SORCS1: variants seen among roughly 807,000 people sequenced by gnomAD.
SORCS1 encodes VPS10 domain-containing receptor SorCS1.
A neutral mutation model predicts 146.1 loss-of-function variants in SORCS1; 60 were observed. The ratio of observed to expected loss-of-function variants is 0.41; its 90% CI spans 0.33 to 0.51. SORCS1 has a LOEUF of 0.51. SORCS1 is among the 20% of genes least tolerant of loss of function. The pLI is 0.21. For missense variants in SORCS1, 1,352 were observed against 1,487.6 expected, an observed-to-expected ratio of 0.91 and a Z score of 1.50; for synonymous variants, 637 against 584.0, an observed-to-expected ratio of 1.09 and a Z score of -1.31.
At chr10:106,638,704 T>C (rs1019586977) in intron 18 of SORCS1, among the ~76,000 whole-genome samples, 3 of 152,312 alleles carry the variant, frequency 2.0e-5, no homozygotes, top group Non-Finnish European at 4.4e-5. Context: ...GCCCTGGAAG[T>C]CACTTCATCC....
intron 3 of SORCS1, 63 bp downstream of exon 3, chr10:106,829,511 G>A: frequency 7.9e-7 from 1 of 1,265,070 alleles, no homozygotes; most frequent in Non-Finnish European, 1.1e-6. Flanking sequence ...AGCTAGAGTG[G>A]TTAGCCAACC....
chr10:107,056,558 A>G lies in SORCS1; in HGVS notation c.559-99978T>C, dbSNP rs551758409. On this transcript the variant is annotated intron_variant, in intron 1 of 25. Transcript: ENST00000263054. ...GCAGAAGGCAGCAACTTATGAGGAC[A>G]GAGGAAAACTATCTCTTATCATATA... 2.6e-5 allele frequency among the ~76,000 whole-genome samples: 4 copies of G among 152,364 alleles called. No individual in the cohort carries two copies. In the East Asian group the frequency reaches 7.7e-4, roughly 29 times the overall value.
intron 9 of SORCS1, among the ~76,000 whole-genome samples, chr10:106,698,588 T>C (rs1385984183): frequency 6.6e-6 from 1 of 152,226 alleles, no homozygotes. Context: ...CCAACATACA[T>C]GATTTTCTTT....
chr10:107,090,855 G>A (rs972623563), intron 1 of SORCS1, among the ~76,000 whole-genome samples: 6 of 152,060 alleles, frequency 3.9e-5, no homozygotes, highest in African/African-American at 9.7e-5. Flanking sequence ...AGAAAGAGAC[G>A]CTGTCAGAAG....
chr10:106,979,842 C>T (rs996432310), intron 1 of SORCS1, among the ~76,000 whole-genome samples: 4 of 150,496 alleles, frequency 2.7e-5, no homozygotes, highest in African/African-American at 1.0e-4. Context: ...AACTTAACCT[C>T]TAGATGCTCC....
intron 6 of SORCS1, among the ~76,000 whole-genome samples, chr10:106,713,763 G>C (rs73363548): frequency 0.037 from 5,691 of 152,234 alleles, 313 homozygotes; most frequent in African/African-American, 0.12. Context: ...TTTATTTCTA[G>C]TATACTGTGT....
intron 2 of SORCS1, among the ~76,000 whole-genome samples, chr10:106,832,610 C>T (rs531752474): frequency 6.6e-6 from 1 of 152,158 alleles, no homozygotes; most frequent in South Asian, 2.1e-4. Context: ...TTTTATTGTA[C>T]AGTTTTTTCT....
At chr10:106,713,376 T>C (rs1039488038) in intron 6 of SORCS1, among the ~76,000 whole-genome samples, 1 of 152,258 alleles carries the variant, frequency 6.6e-6, no homozygotes, top group African/African-American at 2.4e-5. Context: ...GACTGACACC[T>C]AATGAGGACT....
chr10:106,686,583 T>A (rs1488220442), intron 10 of SORCS1, among the ~76,000 whole-genome samples: 7 of 152,184 alleles, frequency 4.6e-5, no homozygotes, highest in Admixed American at 3.3e-4. Context: ...GTGCCTTGCG[T>A]AGAGTAGGTA....
chr10:106,668,719 T>A (rs1191192577), intron 16 of SORCS1, among the ~76,000 whole-genome samples: 1 of 152,152 alleles, frequency 6.6e-6, no homozygotes, highest in Non-Finnish European at 1.5e-5. Flanking sequence ...ATTTTGCACA[T>A]ACCAGCAGGA....
rs1956812849 is a variant in SORCS1 at position 106,992,674 on chromosome 10, A to T, written c.559-36094T>A. ...CACACCTGGCTAATTAAAAAAAAAA[A>T]GTTGTAGAGATGGGATCTTGCTATG... On this transcript the variant is annotated intron_variant, in intron 1 of 25. Transcript: ENST00000263054. 2.6e-5 allele frequency among the ~76,000 whole-genome samples: 4 copies of T among 151,484 alleles called. No individual in the cohort carries two copies. The South Asian group carries it at 8.4e-4, about 32-fold the overall frequency.
chr10:106,967,931 G>A (rs1955577815), intron 1 of SORCS1, among the ~76,000 whole-genome samples: 1 of 151,852 alleles, frequency 6.6e-6, no homozygotes, highest in South Asian at 2.1e-4. Context: ...AATGCCGGGT[G>A]TGGTGGCTCA....
intron 19 of SORCS1, among the ~76,000 whole-genome samples, chr10:106,626,068 T>C (rs1325268384): frequency 6.6e-6 from 1 of 152,162 alleles, no homozygotes; most frequent in Admixed American, 6.6e-5. Context: ...TCCATTTGTT[T>C]CAGATGACCT....
chr10:106,881,477 C>T (rs922496037), intron 2 of SORCS1, among the ~76,000 whole-genome samples: 1 of 152,114 alleles, frequency 6.6e-6, no homozygotes, highest in Non-Finnish European at 1.5e-5. Flanking sequence ...TTAACCTTTT[C>T]AGAGAAAAAA....
intron 1 of SORCS1, among the ~76,000 whole-genome samples, chr10:107,131,033 G>A (rs1239270770): frequency 1.3e-5 from 2 of 152,162 alleles, no homozygotes; most frequent in Non-Finnish European, 2.9e-5. Context: ...ACTCATAGAA[G>A]TGATAAAGGC....
chr10:107,024,903 AT>A (rs1317487544), intron 1 of SORCS1, among the ~76,000 whole-genome samples: 1 of 152,222 alleles, frequency 6.6e-6, no homozygotes, highest in Non-Finnish European at 1.5e-5. Flanking sequence ...TTACAGAAGG[AT>A]TTAGACAGTT....
intron 3 of SORCS1, among the ~76,000 whole-genome samples, chr10:106,777,898 T>G (rs1860576488): frequency 6.6e-6 from 1 of 152,104 alleles, no homozygotes; most frequent in South Asian, 2.1e-4. Flanking sequence ...CAGGGAAGCA[T>G]GAAATATGTG....
intron 1 of SORCS1, among the ~76,000 whole-genome samples, chr10:107,022,438 C>T (rs1230091228): frequency 2.0e-5 from 3 of 152,042 alleles, no homozygotes; most frequent in African/African-American, 7.2e-5. Flanking sequence ...AGAAACAACC[C>T]TTAATTAACA....
chr10:106,662,798 C>T (rs1201641606), intron 17 of SORCS1, among the ~76,000 whole-genome samples: 2 of 152,212 alleles, frequency 1.3e-5, no homozygotes, highest in African/African-American at 4.8e-5. Context: ...CTTCTCCTTC[C>T]CCTCAGCTTT....
Sources: gnomAD v4.1 joint callset for allele counts (sites outside exome capture counted in the v4.1 genomes callset) on GRCh38, gnomAD v4.1.1 for gene constraint, MANE v1.5 for transcripts, NCBI Gene and HGNC (gene_info 2026-07-23, HGNC 2026-07-21) for gene names.